Variants in PHACTR2 observed in about 807,000 individuals in gnomAD.
PHACTR2 encodes the protein chromosome 6 open reading frame 56.
In PHACTR2, 30 loss-of-function variants were observed where a neutral mutation model predicts 76.0. The ratio of observed to expected loss-of-function variants is 0.39; its 90% CI spans 0.30 to 0.54. The LOEUF is 0.54. Ranked by LOEUF, PHACTR2 falls within the 20% of genes least tolerant of loss-of-function variation. The pLI, the probability that PHACTR2 is intolerant of heterozygous loss-of-function variation, is 0.61. For missense variants in PHACTR2, 696 were observed against 781.1 expected (o/e 0.89, Z 1.30); for synonymous variants, 292 against 292.5 (o/e 1.00, Z 0.02).
chr6:143,673,718 C>T (rs1777194493), upstream of PHACTR2, among the ~76,000 whole-genome samples: 1 of 151,742 alleles, frequency 6.6e-6, no homozygotes, highest in African/African-American at 2.4e-5. Flanking sequence ...AAGGAAATTC[C>T]AGCACCACCC....
chr6:143,775,507 A>C lies in PHACTR2; in HGVS notation c.1589+1292A>C, dbSNP rs1395314959. On this transcript the variant is annotated intron_variant, in intron 8 of 12. Transcript: ENST00000440869. This position sits in a 1 kb window ranked among gnomAD's most constrained non-coding sequence, Gnocchi z 4.4. ...AAAACAAGGGGCCTCTCTGAGGCCC[A>C]GAGAGATTAAGGAAATGTCTCAAGG... is the stretch of plus-strand genomic sequence containing the variant. 6.6e-6 allele frequency among the ~76,000 whole-genome samples: 1 copy of C among 152,224 alleles called. No homozygotes were observed. Among genetic ancestry groups the C allele is most frequent in the African/African-American group, 2.4e-5 (1 of 41,460 alleles).
At position 143,765,937 on chromosome 6, in the gene PHACTR2, C is replaced by A. The variant is rs565809802; in HGVS notation, c.1232+139C>A. 4 of 730,714 alleles carry A rather than the reference C, an allele frequency of 5.5e-6. No individual in the cohort carries two copies. Among genetic ancestry groups the A allele is most frequent in the South Asian group, 1.9e-5 (1 of 51,846 alleles). 45.3% of individuals were successfully genotyped at this position (730,714 alleles called of 1,614,324 possible). ...TAGGTAGGCATACATGTGATCCAAC[C>A]ATTGCTTTGTCAGAGCCCTGCCCTG... On this transcript the variant is annotated intron_variant, in intron 6 of 12. Coordinates refer to ENST00000440869, the MANE Select transcript of PHACTR2 (RefSeq NM_001100164.2). The surrounding 1 kb of genome is among the most constrained non-coding windows in gnomAD (Gnocchi z 4.1).
rs1460721940 is a variant in PHACTR2, at chr6:143,755,261, G to A, written c.454+1349G>A. 1.1e-5 allele frequency: 5 copies of A among 455,938 alleles called. No individual in the cohort carries two copies. Among genetic ancestry groups the A allele is most frequent in the African/African-American group, 6.0e-5 (3 of 50,080 alleles). The allele number at this position is 455,938 out of a possible 1,614,324, so 28.2% of individuals were successfully genotyped here. On this transcript the variant is annotated intron_variant, in intron 4 of 12. Transcript: ENST00000440869. This position sits in a 1 kb window ranked among gnomAD's most constrained non-coding sequence, Gnocchi z 5.2. ...GATTCAGTTGAAAGTATTAACGCAA[G>A]TAGTGATGTTTTTTGTTTAAGTCTT...
intron 1 of PHACTR2, among the ~76,000 whole-genome samples, chr6:143,707,184 TAAC>T (rs1412208176): frequency 6.8e-6 from 1 of 147,818 alleles, no homozygotes; most frequent in Non-Finnish European, 1.5e-5. Context: ...CACAAAAAAA[TAAC>T]AAAGCCTGGA....
In PHACTR2 at chr6:143,546,849, G is replaced by A. The variant is rs1277734642; in HGVS notation, c.217+9642G>A. ...GAGACAAGCCTGGGCAACATAGTGA[G>A]ACCCCATCTCAAAAAAAAAAAAAAT... On this transcript the variant is annotated intron_variant, in intron 1 of 11. Transcript: ENST00000367584. The surrounding 1 kb of genome is among the most constrained non-coding windows in gnomAD (Gnocchi z 4.9). Among the ~76,000 whole-genome samples the A allele has an allele frequency of 7.2e-6, 1 of 138,784 alleles. No homozygotes were observed. The highest frequency in any genetic ancestry group is 2.7e-5 in the African/African-American group (1 of 36,658). The allele number at this position is 138,784 out of a possible 152,430, so 91.0% of individuals were successfully genotyped here.
In PHACTR2 at chr6:143,570,249, A is replaced by G. The variant is rs150087619; in HGVS notation, c.217+33042A>G. 7.6e-4 allele frequency among the ~76,000 whole-genome samples: 116 copies of G among 152,320 alleles called. 1 individual carries two copies. The East Asian group carries it at 0.021, about 28-fold the overall frequency. The stretch of plus-strand genomic sequence containing the variant: ...AGAAATAATGATTTGCTTTGCTGAT[A>G]TTAAAAAACGAGGTTGCTGTTGGTC... On this transcript the variant is annotated intron_variant, in intron 1 of 11. Coordinates refer to the PHACTR2 transcript ENST00000367584. This position sits in a 1 kb window ranked among gnomAD's most constrained non-coding sequence, Gnocchi z 4.6.
intron 1 of PHACTR2, among the ~76,000 whole-genome samples, chr6:143,577,873 T>C (rs930463966): frequency 6.6e-6 from 1 of 152,026 alleles, no homozygotes; most frequent in African/African-American, 2.4e-5. Flanking sequence ...GTTCAAGAAG[T>C]GCAACCAAAA....
intron 2 of PHACTR2, among the ~76,000 whole-genome samples, chr6:143,724,599 C>T (rs1461168357): frequency 2.0e-5 from 3 of 152,274 alleles, no homozygotes; most frequent in Middle Eastern, 3.4e-3. Flanking sequence ...GTCCCAGCCC[C>T]GAGTTTCTAC....
intron 11 of PHACTR2, among the ~76,000 whole-genome samples, chr6:143,799,296 C>T (rs1235233174): frequency 2.0e-5 from 3 of 152,156 alleles, no homozygotes; most frequent in Admixed American, 2.0e-4. Context: ...ATTAGTCTTG[C>T]TGGCAGTCTA....
chr6:143,773,973 CTATT>C, intron 7 of PHACTR2, 82 bp from the exon 8 acceptor site: 1 of 1,132,448 alleles, frequency 8.8e-7, no homozygotes, highest in Non-Finnish European at 1.3e-6. Flanking sequence ...GGTCTGGGCT[CTATT>C]TAAAGTCCAT....
chr6:143,618,385 GTTAA>G lies in PHACTR2; in HGVS notation c.13+10065_13+10068del, dbSNP rs1474216172. Reference sequence around the variant, plus strand: ...GATAACTTGCTTTTCTGGCGTTTTGGTTAATAAATGGTGTTTTTTACAACATGGT... The same window carrying G: ...GATAACTTGCTTTTCTGGCGTTTTGGTAAATGGTGTTTTTTACAACATGGT... On this transcript the variant is annotated intron_variant, in intron 1 of 11. Transcript: ENST00000305766. This position sits in a 1 kb window ranked among gnomAD's most constrained non-coding sequence, Gnocchi z 5.2. 6.6e-6 allele frequency among the ~76,000 whole-genome samples: 1 copy of G among 152,028 alleles called. No individual in the cohort carries two copies. Among genetic ancestry groups the G allele is most frequent in the Non-Finnish European group, 1.5e-5 (1 of 68,000 alleles).
At chr6:143,572,317 C>A (rs539461035) in intron 1 of PHACTR2, among the ~76,000 whole-genome samples, 6 of 152,300 alleles carry the variant, frequency 3.9e-5, no homozygotes, top group African/African-American at 1.4e-4. Flanking sequence ...GATCTCATGA[C>A]AATTTTCCAG....
rs945606051 is a variant in PHACTR2, at chr6:143,782,566, G to A, written c.1646-653G>A. 7.9e-5 allele frequency among the ~76,000 whole-genome samples: 12 copies of A among 152,280 alleles called. No individual in the cohort carries two copies. The highest frequency in any genetic ancestry group is 2.6e-4 in the African/African-American group (11 of 41,548). On this transcript the variant is annotated intron_variant, in intron 9 of 12. Transcript: ENST00000440869. This position sits in a 1 kb window ranked among gnomAD's most constrained non-coding sequence, Gnocchi z 4.6. ...AATCGTACTACTTGGTGAATCACTA[G>A]AGAACGAGAAGACTTTGGAAAGGCA...
Position 143,684,493 on chromosome 6 carries a change from A to G in PHACTR2, c.46+6284A>G, listed in dbSNP as rs7758298. On this transcript the variant is annotated intron_variant, in intron 1 of 12. Transcript: ENST00000440869. This position sits in a 1 kb window ranked among gnomAD's most constrained non-coding sequence, Gnocchi z 4.3. ...GAGGCCATCCATTACATGGACAACT[A>G]TAAACTACATGTCCTAATGACATAT... Among the ~76,000 whole-genome samples, 75,023 of 152,054 alleles carry G rather than the reference A, an allele frequency of 0.49. 18,547 individuals are homozygous for G. The highest frequency in any genetic ancestry group is 0.59 in the South Asian group (2,848 of 4,824).
chr6:143,673,258 C>T (rs1044130262), upstream of PHACTR2, among the ~76,000 whole-genome samples: 1 of 152,052 alleles, frequency 6.6e-6, no homozygotes, highest in Non-Finnish European at 1.5e-5. Context: ...CAGTCACAGA[C>T]AGACTCGATA....
chr6:143,816,690 A>G lies in PHACTR2; in HGVS notation c.1923-6984A>G, dbSNP rs1240904357. ...TGGGCAAATGGTGTGTGCAGGAAAA[A>G]AAAAAAAATCTTACACTGTCCTCAG... On this transcript the variant is annotated intron_variant, in intron 12 of 12. Coordinates refer to ENST00000440869, the MANE Select transcript of PHACTR2 (RefSeq NM_001100164.2). This position sits in a 1 kb window ranked among gnomAD's most constrained non-coding sequence, Gnocchi z 4.5. 6.6e-6 allele frequency among the ~76,000 whole-genome samples: 1 copy of G among 152,152 alleles called. No homozygotes were observed. Among genetic ancestry groups the G allele is most frequent in the Non-Finnish European group, 1.5e-5 (1 of 68,016 alleles).
intron 1 of PHACTR2, among the ~76,000 whole-genome samples, chr6:143,661,415 GC>G (rs1776943944): frequency 6.6e-6 from 1 of 151,828 alleles, no homozygotes; most frequent in Non-Finnish European, 1.5e-5. Context: ...AATATTTAGA[GC>G]AAAACAAAAT....
chr6:143,614,226 A>T (rs7745994), intron 1 of PHACTR2, among the ~76,000 whole-genome samples: 19,078 of 152,184 alleles, frequency 0.13, 1,692 homozygotes, highest in African/African-American at 0.24. Context: ...CGTCTCAAAA[A>T]AGAAAGATGC....
At position 143,556,339 on chromosome 6, in the gene PHACTR2, G is replaced by A. The variant is rs190448095; in HGVS notation, c.217+19132G>A. 1.3e-4 allele frequency among the ~76,000 whole-genome samples: 20 copies of A among 152,360 alleles called. No individual in the cohort carries two copies. The Middle Eastern group carries it at 0.01, about 78-fold the overall frequency. Reference sequence around the variant, plus strand: ...TGCTCCTGCGTGCCAGGCACAAGGCGTGGGCCAGGAGAGTGAATATCTGGT... The same window carrying A: ...TGCTCCTGCGTGCCAGGCACAAGGCATGGGCCAGGAGAGTGAATATCTGGT... On this transcript the variant is annotated intron_variant, in intron 1 of 11. Coordinates refer to the PHACTR2 transcript ENST00000367584. The surrounding 1 kb of genome is among the most constrained non-coding windows in gnomAD (Gnocchi z 4.3).
Sources: gnomAD v4.1 joint callset for allele counts (sites outside exome capture counted in the v4.1 genomes callset) on GRCh38, gnomAD v4.1.1 for gene constraint, Gnocchi (gnomAD v3.1) non-coding constraint, MANE v1.5 for transcripts, NCBI Gene and HGNC (gene_info 2026-07-23, HGNC 2026-07-21) for gene names.